The following ACSBG1 variants were observed in gnomAD, a reference collection of about 807,000 sequenced individuals.
ACSBG1 encodes long-chain-fatty-acid--CoA ligase ACSBG1.
ACSBG1 carries 39 observed loss-of-function variants against 80.2 expected under a neutral mutation model. The observed-to-expected ratio is 0.49, with a 90% CI of 0.38 to 0.64. The LOEUF (loss-of-function observed/expected upper bound fraction) is 0.64. Ranked by LOEUF, ACSBG1 falls within the 30% of genes least tolerant of loss-of-function variation. ACSBG1 has a pLI of 0.00. For missense variants in ACSBG1, 828 were observed against 966.4 expected, an observed-to-expected ratio of 0.86 and a Z score of 1.90; for synonymous variants, 392 against 379.5, an observed-to-expected ratio of 1.03 and a Z score of -0.38.
At position 78,207,163 on chromosome 15, in the gene ACSBG1, C is replaced by T. The variant is rs529546438; in HGVS notation, c.232+839G>A. Among the ~76,000 whole-genome samples the T allele has an allele frequency of 5.6e-4, 86 of 152,290 alleles. 1 individual carries two copies. The highest frequency in any genetic ancestry group is 1.9e-3 in the African/African-American group (80 of 41,564). ...GCTGTCCCTGTTCCTGGCCTCTCTC[C>T]GGTGTCTTTCAAACCATTCTCAGAA... On this transcript the variant is annotated intron_variant, in intron 2 of 13. Transcript: ENST00000258873.
chr15:78,208,059 G>A lies in ACSBG1; in HGVS notation c.175C>T (p.His59Tyr), dbSNP rs765403145. The A allele has an allele frequency of 2.0e-5, 32 of 1,613,998 alleles. No individual in the cohort carries two copies. Among genetic ancestry groups the A allele is most frequent in the Non-Finnish European group, 2.7e-5 (32 of 1,180,020 alleles). ...TCTGGCACTGAGAGCTCGAGAGCAT[G>A]GTTCAGGGACTCTTTGGAGAGTGGC... ...RQPLSKESLN[H>Y]ALELSVPEKV... Residue 59 changes from histidine (H) to tyrosine (Y), a missense_variant, in exon 2 of 14, where the codon CAT (histidine) becomes TAT (tyrosine). His to Tyr is a moderately conservative substitution (Grantham distance 83). Transcript: ENST00000258873.
At position 78,182,107 on chromosome 15, in the gene ACSBG1, G is replaced by T. The variant is rs200662328; in HGVS notation, c.933C>A (p.Asp311Glu). The T allele has an allele frequency of 2.9e-5, 46 of 1,612,008 alleles. No homozygotes were observed. Among genetic ancestry groups the T allele is most frequent in the Non-Finnish European group, 3.6e-5 (43 of 1,179,994 alleles). ...CCTGCTGGACTTCTGCCGGCCGGAT[G>T]TCACCGGCCTGGCTGCCGTACCGTG... ...WTARYGSQAG[D>E]IRPAEVQQEV... Residue 311 changes from aspartate (D) to glutamate (E), a missense_variant, in exon 8 of 14, where the codon GAC (aspartate) becomes GAA (glutamate). Asp to Glu is a conservative substitution (Grantham distance 45). Around this residue, in one of 3 missense-constraint regions of ACSBG1, gnomAD observed 271 missense variants for 375.9 expected, o/e 0.72. Transcript: ENST00000258873.
chr15:78,215,783 A>AAAGAAAGAAAGAAAGAAAGAAAGAAAGG (rs1567096471), intron 1 of ACSBG1, among the ~76,000 whole-genome samples: 13 of 149,382 alleles, frequency 8.7e-5, no homozygotes, highest in African/African-American at 3.1e-4. Context: ...AGAAAGAAAG[A>AAAGAAAGAAAGAAAGAAAGAAAGAAAGG]AAGAGAAAGA....
intron 2 of ACSBG1, among the ~76,000 whole-genome samples, chr15:78,200,521 C>T (rs956736419): frequency 6.6e-6 from 1 of 152,184 alleles, no homozygotes; most frequent in Non-Finnish European, 1.5e-5. Context: ...TGCGCCATGC[C>T]ATTCTTTGCC....
chr15:78,207,035 C>T (rs62011377), intron 2 of ACSBG1, among the ~76,000 whole-genome samples: 17,785 of 152,312 alleles, frequency 0.12, 1,120 homozygotes, highest in Middle Eastern at 0.23. Context: ...TCTGGGGTGT[C>T]TGAGCCTAAG....
Position 78,177,790 on chromosome 15 carries a change from T to TC in ACSBG1, c.1702+823dup, listed in dbSNP as rs1327818100. 6.6e-6 allele frequency among the ~76,000 whole-genome samples: 1 copy of TC among 152,100 alleles called. No individual in the cohort carries two copies. Among genetic ancestry groups the TC allele is most frequent in the Non-Finnish European group, 1.5e-5 (1 of 68,018 alleles). ...TTACCCACTCAACTTAGCTTCAGTT[T>TC]CCCCCATGAAGCCCTGGTGCAGGAT... is the stretch of plus-strand genomic sequence containing the variant. On this transcript the variant is annotated intron_variant, in intron 11 of 13. Transcript: ENST00000258873. The surrounding 1 kb of genome is among the most constrained non-coding windows in gnomAD (Gnocchi z 4.1).
intron 2 of ACSBG1, among the ~76,000 whole-genome samples, chr15:78,202,715 C>T (rs1370515841): frequency 3.3e-5 from 5 of 152,208 alleles, no homozygotes; most frequent in African/African-American, 4.8e-5. Flanking sequence ...AGAACATGAA[C>T]TGGTACAGCT....
At chr15:78,226,806 T>TATATATATATATAATATATATA (rs2075406915) in intron 1 of ACSBG1, among the ~76,000 whole-genome samples, 1 of 144,882 alleles carries the variant, frequency 6.9e-6, no homozygotes, top group African/African-American at 2.5e-5. Flanking sequence ...ATATATAATA[T>TATATATATATATAATATATATA]ATATATATGA....
intron 1 of ACSBG1, among the ~76,000 whole-genome samples, chr15:78,225,129 G>A (rs1440862701): frequency 6.6e-6 from 1 of 152,194 alleles, no homozygotes; most frequent in Admixed American, 6.5e-5. Flanking sequence ...GCTAGGCACA[G>A]TGGCTCACAC....
At position 78,182,535 on chromosome 15, in the gene ACSBG1, C is replaced by G. The variant is rs763809557; in HGVS notation, c.825G>C (p.Gln275His). ...CGGAAGTGTAGACTAGCACACAGCA[C>G]TGGTTGGGCTGCTGGGTGTCAATGA... ...DAIIDTQQPN[Q>H]CCVLVYTSGT... is the part of the protein sequence containing the mutation. Residue 275 changes from glutamine (Q) to histidine (H), a missense_variant, in exon 7 of 14, where the codon CAG becomes CAC. Physicochemically the swap from Gln to His is conservative, Grantham distance 24. This residue lies in a region of ACSBG1 where 356 missense variants were observed against 363.5 expected (regional missense o/e 0.98). Coordinates refer to ENST00000258873, the MANE Select transcript of ACSBG1 (RefSeq NM_015162.5). 2.8e-5 allele frequency: 46 copies of G among 1,614,064 alleles called. No homozygotes were observed. Among genetic ancestry groups the G allele is most frequent in the Non-Finnish European group, 8.5e-7 (1 of 1,180,032 alleles).
At chr15:78,181,200 TCTAA>T (rs1268294767) in intron 8 of ACSBG1, 7 of 452,074 alleles carry the variant, frequency 1.5e-5, no homozygotes, top group African/African-American at 2.0e-5. Flanking sequence ...TCTCCATGAG[TCTAA>T]CTTAGACACA....
chr15:78,226,234 A>G (rs116689763), intron 1 of ACSBG1, among the ~76,000 whole-genome samples: 3,935 of 152,334 alleles, frequency 0.026, 180 homozygotes, highest in African/African-American at 0.089. Flanking sequence ...ATAGAAATAA[A>G]AAAAAGAAAT....
At chr15:78,173,529 T>C (rs1828523528) in intron 13 of ACSBG1, 64 bp downstream of exon 13, 1 of 1,580,260 alleles carries the variant, frequency 6.3e-7, no homozygotes, top group Non-Finnish European at 8.6e-7. Flanking sequence ...AGGCACCTCC[T>C]AGGCACTGCC....
intron 2 of ACSBG1, among the ~76,000 whole-genome samples, chr15:78,196,926 T>C (rs1885698908): frequency 6.7e-6 from 1 of 149,492 alleles, no homozygotes; most frequent in Non-Finnish European, 1.5e-5. Flanking sequence ...TAGCAGGGCA[T>C]GGTGTTGTGT....
intron 11 of ACSBG1, among the ~76,000 whole-genome samples, chr15:78,176,929 AAAATAAAT>A (rs201512562): frequency 6.6e-6 from 1 of 152,110 alleles, no homozygotes; most frequent in Non-Finnish European, 1.5e-5. Context: ...CCCTGTTTCA[AAAATAAAT>A]AAATAAATAA....
In ACSBG1 at chr15:78,208,610, C is replaced by T. The variant is rs28487873; in HGVS notation, c.132-508G>A. On this transcript the variant is annotated intron_variant, in intron 1 of 13. Coordinates refer to ENST00000258873, the MANE Select transcript of ACSBG1 (RefSeq NM_015162.5). ...CATAGGGCTCTCAGGGGTCCTATTC[C>T]GGCCCCCCAGTGAGGGCCTCCCCTC... Among the ~76,000 whole-genome samples, 206 of 149,930 alleles carry T rather than the reference C, an allele frequency of 1.4e-3. 1 individual carries two copies. The highest frequency in any genetic ancestry group is 4.8e-3 in the African/African-American group (199 of 41,504).
intron 1 of ACSBG1, among the ~76,000 whole-genome samples, chr15:78,215,772 AAGAAAGAAAGAAAG>A (rs1359193260): frequency 6.2e-4 from 93 of 149,168 alleles, no homozygotes; most frequent in African/African-American, 2.1e-3. Flanking sequence ...GAAAGAAAGA[AAGAAAGAAAGAAAG>A]AGAAAGAAAG....
In ACSBG1 at chr15:78,194,517, C is replaced by A. The variant is rs1567086857; in HGVS notation, c.442G>T (p.Gly148Cys). 1.9e-6 allele frequency: 3 copies of A among 1,614,180 alleles called. No individual in the cohort carries two copies. The highest frequency in any genetic ancestry group is 1.7e-5 in the Admixed American group (1 of 60,030). ...YYLLARRAAK[G>C]FLKLGLKQAH... The stretch of plus-strand genomic sequence containing the variant: ...AGGGGCCCCCTTACCTTCAGGAAGC[C>A]CTTGGCGGCTCTGCGGGCGAGCAGG... The change falls in exon 3 of 14, where the codon GGC (glycine) becomes TGC (cysteine). Residue 148 changes from glycine to cysteine, a missense_variant. By Grantham distance (159) the Gly-to-Cys change is radical. This residue lies in a region of ACSBG1 where 356 missense variants were observed against 363.5 expected (regional missense o/e 0.98). Transcript: ENST00000258873.
intron 1 of ACSBG1, among the ~76,000 whole-genome samples, chr15:78,228,352 C>T (rs541752159): frequency 6.6e-6 from 1 of 152,296 alleles, no homozygotes; most frequent in African/African-American, 2.4e-5. Flanking sequence ...GTGAGTTCCC[C>T]TTCCCTAGAG....
Sources: gnomAD v4.1 joint callset for allele counts (sites outside exome capture counted in the v4.1 genomes callset) on GRCh38, gnomAD v4.1.1 for gene constraint, gnomAD v4.1.1 regional missense constraint, Gnocchi (gnomAD v3.1) non-coding constraint, MANE v1.5 for transcripts, NCBI Gene and HGNC (gene_info 2026-07-23, HGNC 2026-07-21) for gene names.